The following SH3BP2 variants were observed in gnomAD, a reference collection of about 807,000 sequenced individuals.
SH3BP2 encodes SH3 domain-binding protein 2.
In SH3BP2, 38 loss-of-function variants were observed where a neutral mutation model predicts 56.2. The ratio of observed to expected loss-of-function variants is 0.68; its 90% CI spans 0.52 to 0.89. The LOEUF is 0.89. SH3BP2 is among the 40% of genes least tolerant of loss of function. The pLI, the probability that SH3BP2 is intolerant of heterozygous loss-of-function variation, is 0.00. For synonymous variants in SH3BP2, 346 were observed against 316.7 expected (o/e 1.09, Z -0.98); for missense variants, 748 against 762.6 (o/e 0.98, Z 0.23).
intron 1 of SH3BP2, among the ~76,000 whole-genome samples, chr4:2,813,525 C>G (rs1219273471): frequency 6.6e-6 from 1 of 152,168 alleles, no homozygotes; most frequent in African/African-American, 2.4e-5. Context: ...CAGGTGGACC[C>G]TGGTCGATTT....
intron 11 of SH3BP2, among the ~76,000 whole-genome samples, 169 bp from the exon 12 acceptor site, chr4:2,832,821 G>T (rs892622165): frequency 6.6e-6 from 1 of 152,210 alleles, no homozygotes; most frequent in East Asian, 1.9e-4. Context: ...AGGGCTGCCA[G>T]TGTCGCCCCC....
At chr4:2,811,720 AG>A (rs1407637396) in intron 1 of SH3BP2, 1 of 155,738 alleles carries the variant, frequency 6.4e-6, no homozygotes, top group East Asian at 1.9e-4. Context: ...GGCTGGGGAT[AG>A]AGTAGGAATC....
chr4:2,813,497 G>T (rs1224440773), intron 1 of SH3BP2, among the ~76,000 whole-genome samples: 1 of 152,224 alleles, frequency 6.6e-6, no homozygotes, highest in Admixed American at 6.5e-5. Flanking sequence ...CTGTAAAATA[G>T]AAGTAAAGTA....
chr4:2,837,669 G>A lies in SH3BP2; in HGVS notation c.*3835G>A, dbSNP rs1417670558. On this transcript the variant is annotated 3_prime_UTR_variant, in exon 13 of 13. Coordinates refer to ENST00000503393, the MANE Select transcript of SH3BP2 (RefSeq NM_001122681.2). Reference sequence around the variant, plus strand: ...GAGGGCCGTGCTTGTCTCTAGACGAGGGGAATGGGGGAAGGGCCACAACCT... The same window carrying A: ...GAGGGCCGTGCTTGTCTCTAGACGAAGGGAATGGGGGAAGGGCCACAACCT... The A allele has an allele frequency of 6.6e-6, 1 of 152,394 alleles. No homozygotes were observed. Among genetic ancestry groups the A allele is most frequent in the African/African-American group, 2.4e-5 (1 of 41,434 alleles). 9.4% of individuals were successfully genotyped at this position (152,394 alleles called of 1,614,324 possible).
intron 5 of SH3BP2, among the ~76,000 whole-genome samples, 199 bp downstream of exon 5, chr4:2,825,395 C>T (rs1724549665): frequency 6.6e-6 from 1 of 151,722 alleles, no homozygotes; most frequent in Admixed American, 6.6e-5. Context: ...TGTTCACACA[C>T]AGACGAGCGA....
At chr4:2,800,350 C>T (rs1212556561) in intron 1 of SH3BP2, among the ~76,000 whole-genome samples, 1 of 152,144 alleles carries the variant, frequency 6.6e-6, no homozygotes, top group African/African-American at 2.4e-5. Flanking sequence ...GCTGTGTCCC[C>T]AGAGTGTCCA....
At position 2,823,051 on chromosome 4, in the gene SH3BP2, C is replaced by T. The variant is rs1289291299; in HGVS notation, c.239+14C>T. ...TGGCTATAACCGGTAAGTGCCCGAC[C>T]TGCCTGCTGACCTCGGGCCCCCACA... On this transcript the variant is annotated intron_variant, in intron 3 of 12. Transcript: ENST00000503393. The T allele has an allele frequency of 1.3e-6, 2 of 1,594,292 alleles. No homozygotes were observed. Among genetic ancestry groups the T allele is most frequent in the African/African-American group, 1.3e-5 (1 of 74,686 alleles).
chr4:2,816,530 TG>T (rs1560102268), intron 1 of SH3BP2, among the ~76,000 whole-genome samples: 4 of 152,236 alleles, frequency 2.6e-5, no homozygotes, highest in Admixed American at 6.5e-5. Context: ...TTCCTGTTCT[TG>T]GGGGAAAAAC....
Position 2,829,362 on chromosome 4 carries a change from C to G in SH3BP2, c.587-131C>G. On this transcript the variant is annotated intron_variant, in intron 7 of 12. Transcript: ENST00000503393. The surrounding 1 kb of genome is among the most constrained non-coding windows in gnomAD (Gnocchi z 4.9). ...GATGGGAGTGCTGGGTGCTGGGCTG[C>G]TGGGTGGGCAGGCTGTGGGGTGGGC... 1 of 900,130 alleles carries G rather than the reference C, an allele frequency of 1.1e-6. No homozygotes were observed. The highest frequency in any genetic ancestry group is 1.8e-6 in the Non-Finnish European group (1 of 558,658). 55.8% of individuals were successfully genotyped at this position (900,130 alleles called of 1,614,324 possible). A position where few individuals can be genotyped will look rare whatever the true frequency, so the allele number is the denominator to read the frequency against.
chr4:2,806,799 C>G (rs1723554140), intron 1 of SH3BP2, among the ~76,000 whole-genome samples: 1 of 152,224 alleles, frequency 6.6e-6, no homozygotes, highest in Non-Finnish European at 1.5e-5. Flanking sequence ...TTCCTGGGGA[C>G]AGAGACACCA....
chr4:2,813,502 A>G (rs1477330373), intron 1 of SH3BP2, among the ~76,000 whole-genome samples: 1 of 152,178 alleles, frequency 6.6e-6, no homozygotes, highest in East Asian at 1.9e-4. Flanking sequence ...AAATAGAAGT[A>G]AAGTATTGAG....
rs144008695 is a variant in SH3BP2, at chr4:2,830,825, C to T, written c.1241+678C>T. 4.8e-4 allele frequency among the ~76,000 whole-genome samples: 73 copies of T among 152,314 alleles called. 1 individual carries two copies. Among genetic ancestry groups the T allele is most frequent in the African/African-American group, 1.6e-3 (66 of 41,582 alleles). Reference sequence around the variant, plus strand: ...GTCCAGGAACTGGAGGGGCAGGTTTCGCATGGGTGTGCTGGCCGGCACGCG... The same window carrying T: ...GTCCAGGAACTGGAGGGGCAGGTTTTGCATGGGTGTGCTGGCCGGCACGCG... On this transcript the variant is annotated intron_variant, in intron 8 of 12. Transcript: ENST00000503393.
intron 1 of SH3BP2, chr4:2,812,121 G>A: frequency 7.6e-7 from 1 of 1,321,472 alleles, no homozygotes; most frequent in Non-Finnish European, 9.9e-7. Context: ...AGGAGCAGTG[G>A]AAGGTAGGAG....
intron 11 of SH3BP2, among the ~76,000 whole-genome samples, chr4:2,832,740 A>G (rs574573832): frequency 6.6e-6 from 1 of 152,212 alleles, no homozygotes; most frequent in Non-Finnish European, 1.5e-5. Flanking sequence ...GACCTCACTG[A>G]GCCATGCTCT....
rs759924672 is a variant in SH3BP2 at position 2,830,136 on chromosome 4, C to T, written c.1230C>T (p.Leu410=). 6.2e-6 allele frequency: 10 copies of T among 1,600,744 alleles called. No homozygotes were observed. In the African/African-American group the frequency reaches 1.1e-4, roughly 17 times the overall value. ...AVLPRPEKPQ[L]PHLQRSPPDG... Reference sequence around the variant, plus strand: ...TGCCCAGGCCAGAGAAGCCGCAGCTCCCGCACCTCCAGTGAGTTTGTGTGG... The same window carrying T: ...TGCCCAGGCCAGAGAAGCCGCAGCTTCCGCACCTCCAGTGAGTTTGTGTGG... Residue 410 remains leucine (L), a synonymous_variant, in exon 8 of 13, where the codon CTC becomes CTT. Coordinates refer to ENST00000503393, the MANE Select transcript of SH3BP2 (RefSeq NM_001122681.2).
Position 2,830,040 on chromosome 4 carries a change from GCCCC to G in SH3BP2, c.1137_1140del (p.Pro380TrpfsTer8), listed in dbSNP as rs759199606. The G allele has an allele frequency of 3.7e-6, 6 of 1,612,380 alleles. No homozygotes were observed. The highest frequency in any genetic ancestry group is 5.1e-6 in the Non-Finnish European group (6 of 1,179,838). On this transcript the variant is annotated frameshift_variant, in exon 8 of 13. Transcript: ENST00000503393. LOFTEE classifies it high-confidence loss of function. ...AGGCAGCCATGCCCGGACTCTTTGT[GCCCC>G]CCGTGGCTCCCCGGCCTCCTGCGCT... is the stretch of plus-strand genomic sequence containing the variant.
At position 2,812,443 on chromosome 4, in the gene SH3BP2, G is replaced by A. The variant is rs1319304875; in HGVS notation, c.-4-8171G>A. ...GACACCGGCCCCGAGCAGGTCACGAGGACGGAGGGCCATGTGTTGGGTCAG... is the reference window on the plus strand; with the variant it reads ...GACACCGGCCCCGAGCAGGTCACGAAGACGGAGGGCCATGTGTTGGGTCAG... On this transcript the variant is annotated intron_variant, in intron 1 of 12. Coordinates refer to ENST00000503393, the MANE Select transcript of SH3BP2 (RefSeq NM_001122681.2). The A allele has an allele frequency of 3.2e-5, 50 of 1,550,182 alleles. No homozygotes were observed. Among genetic ancestry groups the A allele is most frequent in the Non-Finnish European group, 4.2e-5 (48 of 1,146,770 alleles).
intron 1 of SH3BP2, among the ~76,000 whole-genome samples, chr4:2,815,566 T>C (rs1444944036): frequency 1.3e-5 from 2 of 152,240 alleles, no homozygotes; most frequent in Non-Finnish European, 2.9e-5. Context: ...TGCTGAGCCT[T>C]GTCCAGGTGT....
At chr4:2,832,303 A>G (rs1411087882) in intron 10 of SH3BP2, 28 bp from the exon 11 acceptor site, 18 of 1,587,676 alleles carry the variant, frequency 1.1e-5, no homozygotes, top group Non-Finnish European at 1.6e-5. Context: ...AGGAGGACTC[A>G]CCCGCTAATA....
Sources: allele counts gnomAD v4.1 joint callset (sites outside exome capture counted in the v4.1 genomes callset), GRCh38; gene constraint gnomAD v4.1.1; non-coding constraint Gnocchi (gnomAD v3.1); transcripts MANE v1.5; gene names NCBI Gene and HGNC (gene_info 2026-07-23, HGNC 2026-07-21).